The following ILDR2 variants were observed in gnomAD, a reference collection of about 807,000 sequenced individuals.
ILDR2 encodes immunoglobulin like domain containing receptor 2, also known as immunoglobulin-like domain-containing receptor 2.
In ILDR2, 25 loss-of-function variants were observed where a neutral mutation model predicts 66.8. That is an observed-to-expected ratio of 0.37 (90% CI 0.27 to 0.52). The LOEUF (loss-of-function observed/expected upper bound fraction) is 0.52, where lower values mean the gene tolerates loss of function less well. ILDR2 is among the 20% of genes least tolerant of loss of function. The probability of loss-of-function intolerance (pLI) is 0.88; values close to 1 mark genes in which losing one functional copy is unlikely to be tolerated. For synonymous variants in ILDR2, 367 were observed against 357.2 expected (o/e 1.03, Z -0.31); for missense variants, 827 against 876.8 (o/e 0.94, Z 0.72).
chr1:166,897,121 A>G (rs1659181957), intron 2 of ILDR2, among the ~76,000 whole-genome samples: 1 of 152,176 alleles, frequency 6.6e-6, no homozygotes, highest in Admixed American at 6.5e-5. Flanking sequence ...GTAAAGGATG[A>G]CTTGGTGGGA....
In ILDR2 at chr1:166,911,770, G is replaced by A. The variant is rs929757614; in HGVS notation, c.*7585C>T. The A allele has an allele frequency of 2.0e-5, 3 of 151,702 alleles. No individual in the cohort carries two copies. The highest frequency in any genetic ancestry group is 7.3e-5 in the African/African-American group (3 of 41,342). The allele number at this position is 151,702 out of a possible 1,614,324, so 9.4% of individuals were successfully genotyped here. A position where few individuals can be genotyped will look rare whatever the true frequency, so the allele number is the denominator to read the frequency against. On this transcript the variant is annotated 3_prime_UTR_variant, in exon 10 of 10. Transcript: ENST00000271417. ...AATTAAAATTAAAACTCAAATAAAG[G>A]AGATTAGAGCTAGCTGAAAAGAAAA...
rs1010890419 is a variant in ILDR2, at chr1:166,915,323, C to G, written c.*4032G>C. ...CACCAGGACATTTGAAGAAAAAATT[C>G]TAAGGCCCAAGGAAGCCTCAGGACT... On this transcript the variant is annotated 3_prime_UTR_variant, in exon 10 of 10. Coordinates refer to ENST00000271417, the MANE Select transcript of ILDR2 (RefSeq NM_199351.3). 6.6e-6 allele frequency: 1 copy of G among 152,224 alleles called. No individual in the cohort carries two copies. Among genetic ancestry groups the G allele is most frequent in the African/African-American group, 2.4e-5 (1 of 41,442 alleles). 9.4% of individuals were successfully genotyped at this position (152,224 alleles called of 1,614,324 possible).
At chr1:166,971,294 A>G (rs1663279691) in intron 1 of ILDR2, among the ~76,000 whole-genome samples, 1 of 152,216 alleles carries the variant, frequency 6.6e-6, no homozygotes, top group Non-Finnish European at 1.5e-5. Context: ...CTGACTATTC[A>G]TGAACAAATA....
intron 1 of ILDR2, among the ~76,000 whole-genome samples, chr1:166,961,196 C>T (rs1002566371): frequency 1.3e-5 from 2 of 152,178 alleles, no homozygotes; most frequent in African/African-American, 4.8e-5. Flanking sequence ...GGTGTACAGA[C>T]CATTTCATCA....
downstream of ILDR2, among the ~76,000 whole-genome samples, chr1:166,907,861 TA>T (rs1189197775): frequency 6.6e-6 from 1 of 152,196 alleles, no homozygotes; most frequent in Non-Finnish European, 1.5e-5. Flanking sequence ...GGGTTTCTGA[TA>T]ACCATGTTAG....
intron 1 of ILDR2, among the ~76,000 whole-genome samples, chr1:166,961,868 G>A (rs765102221): frequency 6.6e-6 from 1 of 152,212 alleles, no homozygotes; most frequent in Non-Finnish European, 1.5e-5. Context: ...AATAGTGACA[G>A]TGCCTGGGTA....
rs768593796 is a variant in ILDR2 at position 166,975,292 on chromosome 1, T to G, written c.-24A>C. On this transcript the variant is annotated 5_prime_UTR_variant, in exon 1 of 10. Coordinates refer to ENST00000271417, the MANE Select transcript of ILDR2 (RefSeq NM_199351.3). ...ATCTTCCCCAACTTCCCAGCCGAAT[T>G]ACGGAGTGAGGAAAGTGGGAAATGG... 6.2e-7 allele frequency: 1 copy of G among 1,610,476 alleles called. No homozygotes were observed. The highest frequency in any genetic ancestry group is 1.3e-5 in the African/African-American group (1 of 74,792).
At chr1:166,924,631 T>C (rs1251663624) in intron 7 of ILDR2, among the ~76,000 whole-genome samples, 2 of 152,190 alleles carry the variant, frequency 1.3e-5, no homozygotes, top group African/African-American at 4.8e-5. Context: ...GGCACAAATA[T>C]TCAATTCTGC....
At chr1:166,923,545 A>G (rs986163838) in intron 7 of ILDR2, among the ~76,000 whole-genome samples, 1 of 152,200 alleles carries the variant, frequency 6.6e-6, no homozygotes, top group African/African-American at 2.4e-5. Context: ...GTATGTGTCC[A>G]TGAGTGGCTA....
Position 166,956,803 on chromosome 1 carries a change from A to G in ILDR2, c.429T>C (p.Tyr143=). 6.2e-7 allele frequency: 1 copy of G among 1,614,070 alleles called. No homozygotes were observed. Among genetic ancestry groups the G allele is most frequent in the Non-Finnish European group, 8.5e-7 (1 of 1,179,950 alleles). Residue 143 remains tyrosine (Y), a synonymous_variant, in exon 3 of 10, where the codon TAT becomes TAC. Coordinates refer to ENST00000271417, the MANE Select transcript of ILDR2 (RefSeq NM_199351.3). The part of the protein sequence containing the change: ...GKLMWGDSGL[Y]YCIITTPDDL... ...CATCTGGGGTGGTGATAATACAGTA[A>G]TAGAGTCCGCTGTCTCCCCACATAA...
intron 3 of ILDR2, among the ~76,000 whole-genome samples, chr1:166,954,609 C>T (rs948815918): frequency 2.0e-5 from 3 of 152,224 alleles, no homozygotes; most frequent in African/African-American, 7.2e-5. Context: ...GCTGCTTCTA[C>T]TGCAACGAGT....
In ILDR2 at chr1:166,913,139, G is replaced by A. The variant is rs1164534697; in HGVS notation, c.*6216C>T. On this transcript the variant is annotated 3_prime_UTR_variant, in exon 10 of 10. Coordinates refer to ENST00000271417, the MANE Select transcript of ILDR2 (RefSeq NM_199351.3). ...GTATCATATGATTCTTTCTCTTGCTGAGGCCATTTAATGTCAGATCATGAT... is the reference window on the plus strand; with the variant it reads ...GTATCATATGATTCTTTCTCTTGCTAAGGCCATTTAATGTCAGATCATGAT... 2 of 152,128 alleles carry A rather than the reference G, an allele frequency of 1.3e-5. No homozygotes were observed. Among genetic ancestry groups the A allele is most frequent in the Non-Finnish European group, 2.9e-5 (2 of 68,024 alleles). The allele number at this position is 152,128 out of a possible 1,614,324, so 9.4% of individuals were successfully genotyped here.
At chr1:166,897,206 A>G (rs1170056610) in intron 2 of ILDR2, among the ~76,000 whole-genome samples, 1 of 152,226 alleles carries the variant, frequency 6.6e-6, no homozygotes, top group Non-Finnish European at 1.5e-5. Context: ...ATAGACCTAC[A>G]CAGTGTCAGT....
At chr1:166,928,221 T>C (rs951924353) in intron 6 of ILDR2, among the ~76,000 whole-genome samples, 2 of 152,184 alleles carry the variant, frequency 1.3e-5, no homozygotes, top group African/African-American at 4.8e-5. Context: ...CCTAAAACAG[T>C]ACTGTTATCA....
intron 3 of ILDR2, among the ~76,000 whole-genome samples, chr1:166,955,422 A>C (rs1265200997): frequency 6.6e-6 from 1 of 152,160 alleles, no homozygotes; most frequent in South Asian, 2.1e-4. Context: ...AGCCTGGCCA[A>C]CATAGCAAAA....
In ILDR2 at chr1:166,912,006, C is replaced by T. The variant is rs1659484878; in HGVS notation, c.*7349G>A. On this transcript the variant is annotated 3_prime_UTR_variant, in exon 10 of 10. Transcript: ENST00000271417. Reference sequence around the variant, plus strand: ...AGTTTTCCATATTTAATGGGAAATCCAATCCACGGATTTAGGAAACACCAC... The same window carrying T: ...AGTTTTCCATATTTAATGGGAAATCTAATCCACGGATTTAGGAAACACCAC... 1 of 151,996 alleles carries T rather than the reference C, an allele frequency of 6.6e-6. No homozygotes were observed. The highest frequency in any genetic ancestry group is 1.5e-5 in the Non-Finnish European group (1 of 67,982). 9.4% of individuals were successfully genotyped at this position (151,996 alleles called of 1,614,324 possible).
chr1:166,964,705 C>T (rs749009403), intron 1 of ILDR2, among the ~76,000 whole-genome samples: 3 of 152,108 alleles, frequency 2.0e-5, no homozygotes, highest in Non-Finnish European at 4.4e-5. Flanking sequence ...GTAGGTACCT[C>T]GTCACCAGTC....
At chr1:166,938,706 C>G (rs1187845480) in intron 4 of ILDR2, among the ~76,000 whole-genome samples, 1 of 152,198 alleles carries the variant, frequency 6.6e-6, no homozygotes, top group Non-Finnish European at 1.5e-5. Flanking sequence ...TTTTATATCT[C>G]TGTTGCTATT....
intron 1 of ILDR2, among the ~76,000 whole-genome samples, chr1:166,971,278 C>CT (rs1663278226): frequency 1.3e-5 from 2 of 152,244 alleles, no homozygotes; most frequent in East Asian, 1.9e-4. Flanking sequence ...AGGAGTAAGT[C>CT]ACTCACTGAC....
Sources: gnomAD v4.1 joint callset for allele counts (sites outside exome capture counted in the v4.1 genomes callset) on GRCh38, gnomAD v4.1.1 for gene constraint, MANE v1.5 for transcripts, NCBI Gene and HGNC (gene_info 2026-07-23, HGNC 2026-07-21) for gene names.